The following DPP10 variants were observed in gnomAD, a reference collection of about 807,000 sequenced individuals.
The protein encoded by DPP10 is inactive dipeptidyl peptidase 10.
Under a neutral mutation model 120.9 loss-of-function variants are expected in DPP10, and 33 were observed. The observed-to-expected ratio is 0.27, with a 90% CI of 0.21 to 0.37. The LOEUF (loss-of-function observed/expected upper bound fraction) is 0.37. DPP10 is among the 10% of genes least tolerant of loss of function. The pLI is 1.00. For synonymous variants in DPP10, 337 were observed against 326.1 expected, an observed-to-expected ratio of 1.03 and a Z score of -0.36; for missense variants, 816 against 942.8, an observed-to-expected ratio of 0.87 and a Z score of 1.76.
intron 1 of DPP10, chr2:114,461,869 T>A: frequency 3.0e-6 from 3 of 984,862 alleles, no homozygotes; most frequent in Non-Finnish European, 2.4e-6. Context: ...GAATGGAAAA[T>A]GAAAAAGAGA....
At chr2:115,364,972 C>CA (rs755650680) in intron 3 of DPP10, among the ~76,000 whole-genome samples, 39 of 151,934 alleles carry the variant, frequency 2.6e-4, no homozygotes, top group Non-Finnish European at 5.2e-4. Context: ...TTTCGTTTAA[C>CA]AAAAAAGAAC....
intron 1 of DPP10, among the ~76,000 whole-genome samples, chr2:114,653,382 G>T (rs949932217): frequency 1.3e-5 from 2 of 152,092 alleles, no homozygotes; most frequent in African/African-American, 4.8e-5. Flanking sequence ...GAAACTTTGT[G>T]GAGCCTGTGG....
intron 1 of DPP10, among the ~76,000 whole-genome samples, chr2:114,463,105 C>T (rs1348432107): frequency 6.6e-6 from 1 of 152,064 alleles, no homozygotes; most frequent in Non-Finnish European, 1.5e-5. Flanking sequence ...GTGTGCTGGT[C>T]ACTACAGGGG....
chr2:115,104,170 C>CTT (rs35125894), intron 1 of DPP10, among the ~76,000 whole-genome samples: 2,339 of 84,646 alleles, frequency 0.028, 253 homozygotes, highest in African/African-American at 0.069. Context: ...ATACATATGT[C>CTT]TTTTTTTTTT....
chr2:115,371,200 G>A (rs755604039), intron 3 of DPP10, among the ~76,000 whole-genome samples: 8 of 151,820 alleles, frequency 5.3e-5, no homozygotes, highest in African/African-American at 1.5e-4. Flanking sequence ...GCTTTCACCC[G>A]CCCGTCATGT....
chr2:115,146,449 A>G (rs1376869217), intron 1 of DPP10, among the ~76,000 whole-genome samples: 2 of 152,080 alleles, frequency 1.3e-5, no homozygotes, highest in Non-Finnish European at 2.9e-5. Context: ...TGTTATTTAT[A>G]TAAAATAAAT....
At chr2:114,915,482 C>T (rs1473433660) in intron 1 of DPP10, among the ~76,000 whole-genome samples, 1 of 152,214 alleles carries the variant, frequency 6.6e-6, no homozygotes, top group Admixed American at 6.5e-5. Flanking sequence ...CAATGCAACA[C>T]TTCACAACAT....
intron 1 of DPP10, among the ~76,000 whole-genome samples, chr2:114,927,408 A>G (rs561424416): frequency 1.3e-5 from 2 of 152,058 alleles, no homozygotes; most frequent in Non-Finnish European, 2.9e-5. Flanking sequence ...TTAGAGAGAC[A>G]TGAGACATCA....
rs574044539 is a variant in DPP10, at chr2:114,579,297, G to A, written c.60+136459G>A. 1.2e-4 allele frequency among the ~76,000 whole-genome samples: 18 copies of A among 152,250 alleles called. No individual in the cohort carries two copies. The South Asian group carries it at 2.1e-3, about 17-fold the overall frequency. On this transcript the variant is annotated intron_variant, in intron 1 of 25. Transcript: ENST00000410059. ...GAGGGAGTGGAGTGAACTGCTCAGC[G>A]CCCACAGCTCAGTGGCTTGATTGTT... is the stretch of plus-strand genomic sequence containing the variant.
chr2:115,063,971 A>G (rs1444950929), intron 1 of DPP10, among the ~76,000 whole-genome samples: 2 of 152,100 alleles, frequency 1.3e-5, no homozygotes, highest in African/African-American at 4.8e-5. Flanking sequence ...CTGGTATTAC[A>G]ATGGGTTTCA....
At chr2:115,359,685 T>C (rs1347164836) in intron 3 of DPP10, among the ~76,000 whole-genome samples, 1 of 152,180 alleles carries the variant, frequency 6.6e-6, no homozygotes, top group Non-Finnish European at 1.5e-5. Flanking sequence ...GGTAAATTTT[T>C]ATGAAATGTA....
chr2:115,124,617 A>C (rs1185207682), intron 1 of DPP10, among the ~76,000 whole-genome samples: 3 of 152,212 alleles, frequency 2.0e-5, no homozygotes, highest in Non-Finnish European at 4.4e-5. Context: ...TCAAGACAAG[A>C]TCAAATCCCA....
chr2:114,608,428 A>G (rs1213258035), intron 1 of DPP10, among the ~76,000 whole-genome samples: 1 of 152,184 alleles, frequency 6.6e-6, no homozygotes, highest in Non-Finnish European at 1.5e-5. Context: ...GTAACAGCAA[A>G]TAATTTGCAG....
At chr2:115,418,414 TGA>T (rs746513133) in intron 3 of DPP10, among the ~76,000 whole-genome samples, 1 of 151,556 alleles carries the variant, frequency 6.6e-6, no homozygotes, top group Admixed American at 6.6e-5. Flanking sequence ...AGTGAGAGAC[TGA>T]GAGAGAGAGA....
intron 1 of DPP10, among the ~76,000 whole-genome samples, chr2:114,913,169 T>C (rs903558183): frequency 2.0e-5 from 3 of 152,346 alleles, no homozygotes; most frequent in African/African-American, 7.2e-5. Context: ...AGACCTCTCC[T>C]AACAGTTGGA....
chr2:115,632,948 T>C (rs1022774435), intron 5 of DPP10, among the ~76,000 whole-genome samples: 31 of 152,190 alleles, frequency 2.0e-4, no homozygotes, highest in Admixed American at 2.0e-4. Context: ...CTGGAGAGGA[T>C]GTGGAGAAAT....
intron 1 of DPP10, among the ~76,000 whole-genome samples, chr2:114,884,681 A>C (rs998681254): frequency 1.3e-5 from 2 of 152,020 alleles, no homozygotes; most frequent in South Asian, 4.1e-4. Context: ...TACTGTACCC[A>C]ATGTCTAGCC....
intron 3 of DPP10, among the ~76,000 whole-genome samples, chr2:115,383,747 T>A (rs1267024308): frequency 6.6e-6 from 1 of 152,160 alleles, no homozygotes; most frequent in Non-Finnish European, 1.5e-5. Flanking sequence ...ATAATTTGAT[T>A]TTTAATGTGT....
chr2:115,006,989 G>A (rs1701895801), intron 1 of DPP10, among the ~76,000 whole-genome samples: 1 of 151,958 alleles, frequency 6.6e-6, no homozygotes, highest in Non-Finnish European at 1.5e-5. Flanking sequence ...CTCAGCAAAT[G>A]TAAAAGAACA....
Sources: allele counts gnomAD v4.1 joint callset (sites outside exome capture counted in the v4.1 genomes callset), GRCh38; gene constraint gnomAD v4.1.1; transcripts MANE v1.5; gene names NCBI Gene and HGNC (gene_info 2026-07-23, HGNC 2026-07-21).